The following ACSS3 variants were observed in gnomAD, a reference collection of about 807,000 sequenced individuals.
ACSS3 encodes the protein acyl-CoA synthetase short chain family member 3.
In ACSS3, 64 loss-of-function variants were observed where a neutral mutation model predicts 84.2. That is an observed-to-expected ratio of 0.76 (90% CI 0.62 to 0.94). ACSS3 has a LOEUF of 0.94. Among genes scored for constraint, ACSS3 ranks in the 40% least tolerant of loss-of-function variants. The pLI, the probability that ACSS3 is intolerant of heterozygous loss-of-function variation, is 0.00. For synonymous variants in ACSS3, 317 were observed against 310.1 expected (o/e 1.02, Z -0.23); for missense variants, 815 against 867.6 (o/e 0.94, Z 0.76).
At chr12:81,252,334 C>T (rs1441161323) in intron 13 of ACSS3, among the ~76,000 whole-genome samples, 1 of 152,074 alleles carries the variant, frequency 6.6e-6, no homozygotes, top group African/African-American at 2.4e-5. Flanking sequence ...AGACTGAAAG[C>T]ATCTTGAAGC....
At chr12:81,162,041 G>C (rs1169234557) in intron 7 of ACSS3, among the ~76,000 whole-genome samples, 1 of 152,146 alleles carries the variant, frequency 6.6e-6, no homozygotes, top group Non-Finnish European at 1.5e-5. Flanking sequence ...TCTCCTTCTT[G>C]TCACCCATAA....
chr12:81,220,252 C>T (rs912936933), intron 11 of ACSS3, among the ~76,000 whole-genome samples, 176 bp downstream of exon 11: 4 of 151,826 alleles, frequency 2.6e-5, no homozygotes, highest in Admixed American at 6.6e-5. Context: ...CCATAAAATA[C>T]GACCAATTTA....
intron 13 of ACSS3, among the ~76,000 whole-genome samples, chr12:81,236,862 G>GT (rs899109658): frequency 4.8e-4 from 73 of 151,006 alleles, no homozygotes; most frequent in African/African-American, 1.7e-3. Flanking sequence ...ATCTTTGACA[G>GT]TTTTTTTTAT....
intron 9 of ACSS3, among the ~76,000 whole-genome samples, chr12:81,205,864 T>A (rs1356031924): frequency 6.6e-6 from 1 of 152,118 alleles, no homozygotes; most frequent in Non-Finnish European, 1.5e-5. Flanking sequence ...TTCACAACTG[T>A]GTGTTAGCGT....
intron 2 of ACSS3, among the ~76,000 whole-genome samples, chr12:81,120,196 C>G (rs1441179380): frequency 2.6e-5 from 4 of 152,148 alleles, no homozygotes; most frequent in African/African-American, 4.8e-5. Context: ...GAGAACAAAA[C>G]CAACTGCTTT....
At chr12:81,153,593 G>A (rs1886723056) in intron 7 of ACSS3, among the ~76,000 whole-genome samples, 1 of 152,132 alleles carries the variant, frequency 6.6e-6, no homozygotes, top group African/African-American at 2.4e-5. Flanking sequence ...TAAATGCTTG[G>A]CAGTAGAACA....
chr12:81,095,154 G>C (rs1416471808), intron 1 of ACSS3, among the ~76,000 whole-genome samples: 1 of 152,166 alleles, frequency 6.6e-6, no homozygotes, highest in Admixed American at 6.5e-5. Flanking sequence ...ATTCTGGATT[G>C]TAGGTCTGGT....
intron 1 of ACSS3, among the ~76,000 whole-genome samples, chr12:81,079,889 A>G (rs566841235): frequency 1.3e-5 from 2 of 152,330 alleles, no homozygotes; most frequent in Admixed American, 6.5e-5. Context: ...CTATGTCTTT[A>G]TACACTAGAC....
At chr12:81,223,225 T>A (rs1466485146) in intron 11 of ACSS3, among the ~76,000 whole-genome samples, 2 of 152,026 alleles carry the variant, frequency 1.3e-5, no homozygotes, top group Non-Finnish European at 2.9e-5. Context: ...CTATTGGAAG[T>A]GTGGCCTGTT....
chr12:81,116,872 A>G (rs1262562340), intron 2 of ACSS3, among the ~76,000 whole-genome samples: 1 of 152,058 alleles, frequency 6.6e-6, no homozygotes, highest in African/African-American at 2.4e-5. Flanking sequence ...TTTTGTTTTT[A>G]TATATTAGGA....
intron 2 of ACSS3, among the ~76,000 whole-genome samples, chr12:81,120,946 A>G (rs1258436199): frequency 1.3e-5 from 2 of 152,230 alleles, no homozygotes; most frequent in Non-Finnish European, 2.9e-5. Flanking sequence ...TTCTTGGCAC[A>G]TACCATGATC....
At chr12:81,080,336 G>T (rs1222955412) in intron 1 of ACSS3, among the ~76,000 whole-genome samples, 3 of 151,516 alleles carry the variant, frequency 2.0e-5, no homozygotes, top group Non-Finnish European at 4.4e-5. Flanking sequence ...CTTTTTCTTT[G>T]TAATATCTAG....
intron 7 of ACSS3, among the ~76,000 whole-genome samples, chr12:81,153,431 A>G (rs114779035): frequency 2.0e-4 from 30 of 152,042 alleles, no homozygotes; most frequent in African/African-American, 6.5e-4. Context: ...AAAGGTGAAG[A>G]AATTGGGAAT....
At chr12:81,101,366 AACTCAAATAAC>A (rs1277272937) in intron 1 of ACSS3, among the ~76,000 whole-genome samples, 1 of 152,190 alleles carries the variant, frequency 6.6e-6, no homozygotes, top group Non-Finnish European at 1.5e-5. Flanking sequence ...GTGCTCAAAT[AACTCAAATAAC>A]ACAGAAGTTT....
At chr12:81,251,966 T>C (rs558601160) in intron 13 of ACSS3, among the ~76,000 whole-genome samples, 1 of 152,204 alleles carries the variant, frequency 6.6e-6, no homozygotes, top group East Asian at 1.9e-4. Context: ...GAGTTGGAAG[T>C]TCCTAGCACA....
chr12:81,233,274 T>C, intron 12 of ACSS3, 75 bp from the exon 13 acceptor site: 1 of 1,497,576 alleles, frequency 6.7e-7, no homozygotes, highest in Non-Finnish European at 9.1e-7. Context: ...TTACATTGTG[T>C]GTTTTACCAA....
intron 11 of ACSS3, 66 bp downstream of exon 11, chr12:81,220,142 G>T (rs1593213384): frequency 2.3e-5 from 24 of 1,021,932 alleles, no homozygotes; most frequent in Non-Finnish European, 3.3e-5. Context: ...AAGAAAAAAT[G>T]GGGTCATTGC....
At chr12:81,126,067 C>G (rs558189868) in intron 2 of ACSS3, among the ~76,000 whole-genome samples, 1 of 152,234 alleles carries the variant, frequency 6.6e-6, no homozygotes, top group Admixed American at 6.5e-5. Context: ...TTAGTCTAAA[C>G]TCGATGGGCA....
At chr12:81,147,614 G>T (rs925972370) in intron 5 of ACSS3, among the ~76,000 whole-genome samples, 6 of 152,124 alleles carry the variant, frequency 3.9e-5, no homozygotes, top group Non-Finnish European at 7.4e-5. Flanking sequence ...ATGTCTTGAA[G>T]TACTCCTGGT....
Sources: gnomAD v4.1 joint callset for allele counts (sites outside exome capture counted in the v4.1 genomes callset) on GRCh38, gnomAD v4.1.1 for gene constraint, MANE v1.5 for transcripts, NCBI Gene and HGNC (gene_info 2026-07-23, HGNC 2026-07-21) for gene names.